Variants in RYR2 observed in about 807,000 individuals in gnomAD.
The protein encoded by RYR2 is cardiac muscle ryanodine receptor-calcium release channel.
A neutral mutation model predicts 601.1 loss-of-function variants in RYR2; 227 were observed. The observed-to-expected ratio is 0.38, with a 90% CI of 0.34 to 0.42. The LOEUF (loss-of-function observed/expected upper bound fraction) is 0.42, where lower values mean the gene tolerates loss of function less well. Ranked by LOEUF, RYR2 falls within the 10% of genes least tolerant of loss-of-function variation. The probability of loss-of-function intolerance (pLI) is 1.00; values close to 1 mark genes in which losing one functional copy is unlikely to be tolerated. For synonymous variants in RYR2, 2,223 were observed against 2,175.1 expected, an observed-to-expected ratio of 1.02 and a Z score of -0.61; for missense variants, 4,646 against 6,156.5, an observed-to-expected ratio of 0.75 and a Z score of 8.21.
In RYR2 at chr1:237,667,945, G is replaced by C. The variant is rs763676567; in HGVS notation, c.8577G>C (p.Glu2859Asp). The C allele has an allele frequency of 3.2e-6, 5 of 1,575,200 alleles. No individual in the cohort carries two copies. The South Asian group carries it at 4.7e-5, about 15-fold the overall frequency. Residue 2859 changes from glutamate to aspartate, a missense_variant, in exon 58 of 105, where the codon GAG (glutamate) becomes GAC (aspartate). Glu to Asp is a conservative substitution (Grantham distance 45, BLOSUM62 2). Transcript: ENST00000366574. ...TATGGGCAAAGAAAAAGAAAATGGAGTTGGAGTCCAAAGGTAATATTTTCT... is the reference window on the plus strand; with the variant it reads ...TATGGGCAAAGAAAAAGAAAATGGACTTGGAGTCCAAAGGTAATATTTTCT... ...HNIWAKKKKM[E>D]LESKGGGNHP...
intron 1 of RYR2, among the ~76,000 whole-genome samples, chr1:237,262,557 A>G (rs1688648901): frequency 6.6e-6 from 1 of 152,136 alleles, no homozygotes; most frequent in Non-Finnish European, 1.5e-5. Context: ...GCACCTGGCC[A>G]AGAGTTTTAT....
intron 2 of RYR2, among the ~76,000 whole-genome samples, chr1:237,304,502 C>A (rs547654312): frequency 1.3e-5 from 2 of 152,176 alleles, no homozygotes; most frequent in Non-Finnish European, 2.9e-5. Flanking sequence ...CCAGAAGATG[C>A]ATATATGAGC....
intron 2 of RYR2, among the ~76,000 whole-genome samples, chr1:237,283,011 A>T (rs117019669): frequency 6.6e-6 from 1 of 152,270 alleles, no homozygotes; most frequent in East Asian, 1.9e-4. Flanking sequence ...CAATTTGCAC[A>T]CTTAGACATG....
At chr1:237,742,263 C>A in intron 79 of RYR2, 33 bp from the exon 80 acceptor site, 1 of 1,332,400 alleles carries the variant, frequency 7.5e-7, no homozygotes, top group Non-Finnish European at 1.0e-6. Flanking sequence ...CAACATATTC[C>A]TGTCTCCTTT....
chr1:237,158,614 C>T (rs2490365), intron 1 of RYR2, among the ~76,000 whole-genome samples: 95,189 of 151,998 alleles, frequency 0.63, 29,987 homozygotes, highest in Non-Finnish European at 0.66. Flanking sequence ...CCATCTTCAG[C>T]TGTAGCATTT....
At chr1:237,071,506 G>A (rs561691954) in intron 1 of RYR2, among the ~76,000 whole-genome samples, 10 of 152,194 alleles carry the variant, frequency 6.6e-5, no homozygotes, top group Non-Finnish European at 1.2e-4. Flanking sequence ...TTACAGGAAT[G>A]AGCCACCCTG....
intron 1 of RYR2, among the ~76,000 whole-genome samples, chr1:237,199,227 C>T (rs1158581956): frequency 1.3e-5 from 2 of 152,156 alleles, no homozygotes; most frequent in African/African-American, 2.4e-5. Flanking sequence ...AATTTAGTAA[C>T]GAGTGCTGAC....
intron 1 of RYR2, among the ~76,000 whole-genome samples, chr1:237,174,063 C>A (rs76548293): frequency 2.0e-5 from 3 of 151,684 alleles, no homozygotes; most frequent in Non-Finnish European, 2.9e-5. Context: ...TCTCAAAAAA[C>A]AAAAAAAAAA....
intron 64 of RYR2, among the ~76,000 whole-genome samples, chr1:237,699,457 G>A (rs932424939): frequency 4.2e-5 from 6 of 143,000 alleles, no homozygotes; most frequent in African/African-American, 1.5e-4. Flanking sequence ...GTAGGTAGAC[G>A]AATTCCCATC....
chr1:237,307,514 A>AAT (rs1693995943), intron 2 of RYR2, among the ~76,000 whole-genome samples: 1 of 152,214 alleles, frequency 6.6e-6, no homozygotes, highest in African/African-American at 2.4e-5. Flanking sequence ...TTCCTTTTGT[A>AAT]ATATGTTCAG....
chr1:237,611,044 G>C (rs1677805561), intron 36 of RYR2, 56 bp downstream of exon 36: 3 of 1,490,310 alleles, frequency 2.0e-6, no homozygotes, highest in African/African-American at 1.4e-5. Context: ...TTAGCCTGCT[G>C]CCCGGGGCTT....
At position 237,808,304 on chromosome 1, in the gene RYR2, C is replaced by G. The variant is rs911618106; in HGVS notation, c.14299-597C>G. Among the ~76,000 whole-genome samples, 7 of 152,220 alleles carry G rather than the reference C, an allele frequency of 4.6e-5. No homozygotes were observed. In the South Asian group the frequency reaches 1.5e-3, roughly 32 times the overall value. On this transcript the variant is annotated intron_variant, in intron 99 of 104. Transcript: ENST00000366574. ...TGATTGAAAATTTAAAAATAATTTA[C>G]AGTCATAACAAAAACGAAATGCATT...
At position 237,042,435 on chromosome 1, in the gene RYR2, C is replaced by T; in HGVS notation, c.-87C>T. ...CCCTCCAGCCCCCGGCTCCCGGCAG[C>T]AGAAGCAGAAGGCAGCGCCAGGGGC... On this transcript the variant is annotated 5_prime_UTR_variant, in exon 1 of 105. Coordinates refer to ENST00000366574, the MANE Select transcript of RYR2 (RefSeq NM_001035.3). 1 of 1,185,248 alleles carries T rather than the reference C, an allele frequency of 8.4e-7. No homozygotes were observed. Among genetic ancestry groups the T allele is most frequent in the Non-Finnish European group, 1.1e-6 (1 of 941,530 alleles). 73.4% of individuals were successfully genotyped at this position (1,185,248 alleles called of 1,614,324 possible). A position where few individuals can be genotyped will look rare whatever the true frequency, so the allele number is the denominator to read the frequency against.
At chr1:237,546,257 T>C (rs1164223742) in intron 25 of RYR2, among the ~76,000 whole-genome samples, 1 of 152,208 alleles carries the variant, frequency 6.6e-6, no homozygotes, top group East Asian at 1.9e-4. Context: ...GAATGTAAAT[T>C]GAATGACATA....
intron 1 of RYR2, among the ~76,000 whole-genome samples, chr1:237,243,616 C>T (rs1305970392): frequency 6.6e-6 from 1 of 152,098 alleles, no homozygotes; most frequent in Non-Finnish European, 1.5e-5. Context: ...CATTCCTTTC[C>T]CCAGGCTATA....
At chr1:237,402,384 C>T (rs535729271) in intron 10 of RYR2, among the ~76,000 whole-genome samples, 1 of 146,300 alleles carries the variant, frequency 6.8e-6, no homozygotes, top group Non-Finnish European at 1.5e-5. Flanking sequence ...AAGACCCTAT[C>T]TCTTAAAAAA....
At chr1:237,212,798 G>A (rs61832413) in intron 1 of RYR2, among the ~76,000 whole-genome samples, 2,971 of 152,108 alleles carry the variant, frequency 0.02, 47 homozygotes, top group Middle Eastern at 0.092. Context: ...TATTTGAGAC[G>A]AAGTCTTGCT....
At position 237,132,429 on chromosome 1, in the gene RYR2, C is replaced by T. The variant is rs1672263557; in HGVS notation, c.48+89860C>T. ...CTCTTGAATTCCTGATCCACAGAAACTGTGAGATAGTAAATGTTGATGGCT... is the reference window on the plus strand; with the variant it reads ...CTCTTGAATTCCTGATCCACAGAAATTGTGAGATAGTAAATGTTGATGGCT... On this transcript the variant is annotated intron_variant, in intron 1 of 104. Coordinates refer to ENST00000366574, the MANE Select transcript of RYR2 (RefSeq NM_001035.3). 2.6e-5 allele frequency among the ~76,000 whole-genome samples: 4 copies of T among 152,200 alleles called. No homozygotes were observed. In the South Asian group the frequency reaches 8.3e-4, roughly 32 times the overall value.
Position 237,506,213 on chromosome 1 carries a change from C to CA in RYR2, c.2614-487dup, listed in dbSNP as rs370923567. Reference sequence around the variant, plus strand: ...AAATTGATTTGGAAACCTAAGTTGTCAAAAAAAAAAGGTACCAAAATTTAT... The same window carrying CA: ...AAATTGATTTGGAAACCTAAGTTGTCAAAAAAAAAAAGGTACCAAAATTTAT... On this transcript the variant is annotated intron_variant, in intron 22 of 104. Transcript: ENST00000366574. 3.0e-3 allele frequency among the ~76,000 whole-genome samples: 420 copies of CA among 140,904 alleles called. 1 individual carries two copies. Among genetic ancestry groups the CA allele is most frequent in the East Asian group, 0.026 (127 of 4,872 alleles). The allele number at this position is 140,904 out of a possible 152,430, so 92.4% of individuals were successfully genotyped here.
Sources: allele counts gnomAD v4.1 joint callset (sites outside exome capture counted in the v4.1 genomes callset), GRCh38; gene constraint gnomAD v4.1.1; transcripts MANE v1.5; gene names NCBI Gene and HGNC (gene_info 2026-07-23, HGNC 2026-07-21).